The following RNASET2 variants were observed in gnomAD, a reference collection of about 807,000 sequenced individuals.
RNASET2 encodes ribonuclease T2.
RNASET2 carries 28 observed loss-of-function variants against 33.9 expected under a neutral mutation model. The observed-to-expected ratio is 0.83, with a 90% confidence interval of 0.61 to 1.13. The LOEUF (loss-of-function observed/expected upper bound fraction) is 1.13, where lower values mean the gene tolerates loss of function less well. Among genes scored for constraint, RNASET2 ranks in the 50% most tolerant of loss-of-function variants. The pLI, the probability that RNASET2 is intolerant of heterozygous loss-of-function variation, is 0.00. For missense variants in RNASET2, 330 were observed against 319.9 expected, an observed-to-expected ratio of 1.03 and a Z score of -0.24; for synonymous variants, 123 against 121.0, an observed-to-expected ratio of 1.02 and a Z score of -0.11.
intron 7 of RNASET2, chr6:166,932,252 T>A (rs1453970999): frequency 6.6e-6 from 1 of 152,548 alleles, no homozygotes; most frequent in East Asian, 1.9e-4. Flanking sequence ...TGTGACCTAC[T>A]CGGAGGGTCT....
intron 1 of RNASET2, among the ~76,000 whole-genome samples, chr6:166,955,281 GACACAC>G (rs1262913545): frequency 1.4e-5 from 1 of 70,774 alleles, no homozygotes; most frequent in Non-Finnish European, 2.5e-5. Flanking sequence ...GCGCACACAC[GACACAC>G]ACGCACAGAC....
rs149426644 is a variant in RNASET2 at position 166,943,031 on chromosome 6, C to T, written c.320G>A (p.Arg107His). 235 of 1,613,428 alleles carry T rather than the reference C, an allele frequency of 1.5e-4. 1 individual carries two copies. The highest frequency in any genetic ancestry group is 7.1e-4 in the African/African-American group (53 of 75,010). ...WPDVIHSFPN[R>H]SRFWKHEWEK... The stretch of plus-strand genomic sequence containing the variant: ...GGCTGGGACTTACCAGAAGCGGCTG[C>T]GATTGGGAAACGAGTGAATTACGTC... The change falls in exon 5 of 9, where the codon CGC becomes CAC. Residue 107 changes from arginine to histidine, a missense_variant. Transcript: ENST00000508775.
At chr6:166,942,181 T>G (rs1371550370) in intron 5 of RNASET2, among the ~76,000 whole-genome samples, 3 of 151,206 alleles carry the variant, frequency 2.0e-5, no homozygotes, top group Non-Finnish European at 4.4e-5. Flanking sequence ...GCCTCCCAAG[T>G]AGCTGGGATT....
chr6:166,955,634 G>T, intron 1 of RNASET2: 4 of 998,622 alleles, frequency 4.0e-6, no homozygotes, highest in Non-Finnish European at 4.8e-6. Flanking sequence ...CAGTCTGTGG[G>T]ATGAGTTTCC....
rs1779169606 is a variant in RNASET2 at position 166,956,476 on chromosome 6, C to T, written c.-294G>A. 4 of 461,882 alleles carry T rather than the reference C, an allele frequency of 8.7e-6. No individual in the cohort carries two copies. Among genetic ancestry groups the T allele is most frequent in the Non-Finnish European group, 1.6e-5 (4 of 256,516 alleles). The allele number at this position is 461,882 out of a possible 1,614,324, so 28.6% of individuals were successfully genotyped here. A position where few individuals can be genotyped will look rare whatever the true frequency, so the allele number is the denominator to read the frequency against. The stretch of plus-strand genomic sequence containing the variant: ...AGCGCGCACGTCCCGGGCTCTGCTT[C>T]GCGACCCACAGCGACCCCAGCTCCT... On this transcript the variant is annotated 5_prime_UTR_variant, in exon 1 of 9. Coordinates refer to ENST00000508775, the MANE Select transcript of RNASET2 (RefSeq NM_003730.6).
At chr6:166,934,276 TGTCAACATGGACTGCAAATACATG>T in intron 6 of RNASET2, 140 bp from the exon 7 acceptor site, 1 of 687,574 alleles carries the variant, frequency 1.5e-6, no homozygotes. Context: ...GCAACAAATG[TGTCAACATGGACTGCAAATACATG>T]GTTCCCAGTC....
Position 166,938,926 on chromosome 6 carries a change from G to A in RNASET2, c.415C>T (p.Leu139=), listed in dbSNP as rs1426418231. The change falls in exon 6 of 9, where the codon CTG becomes TTG. Residue 139 remains leucine, a synonymous_variant. Transcript: ENST00000508775. ...NSQKKYFGRS[L]ELYRELDLNS... The stretch of plus-strand genomic sequence containing the variant: ...AGGTCCAGCTCCCTGTAGAGTTCCA[G>A]GCTTCTGCCAAAGTACTTCTTCTGG... The A allele has an allele frequency of 4.3e-6, 7 of 1,613,922 alleles. No homozygotes were observed. In the East Asian group the frequency reaches 1.3e-4, roughly 31 times the overall value.
intron 2 of RNASET2, among the ~76,000 whole-genome samples, chr6:166,952,209 C>A (rs1779000007): frequency 6.6e-6 from 1 of 152,212 alleles, no homozygotes; most frequent in East Asian, 1.9e-4. Flanking sequence ...AGGAACCAAC[C>A]CTTCTGACCC....
intron 6 of RNASET2, among the ~76,000 whole-genome samples, chr6:166,936,590 T>C (rs578162213): frequency 3.3e-5 from 5 of 152,082 alleles, no homozygotes; most frequent in African/African-American, 1.2e-4. Context: ...AAGCCAGGGG[T>C]TGGGGGCGGT....
rs1449351659 is a variant in RNASET2, at chr6:166,942,055, C to CTTTTTTT, written c.332+963_332+964insAAAAAAA. On this transcript the variant is annotated intron_variant, in intron 5 of 8. Transcript: ENST00000508775. The stretch of plus-strand genomic sequence containing the variant: ...ATGAGATCATCATTTTAGAAGACAT[C>CTTTTTTT]TTCTTTTTTTTTTTTGAGATGGAAT... Among the ~76,000 whole-genome samples the CTTTTTTT allele has an allele frequency of 2.4e-4, 8 of 33,442 alleles. 1 individual carries two copies. The highest frequency in any genetic ancestry group is 1.1e-3 in the African/African-American group (7 of 6,096). 21.9% of individuals were successfully genotyped at this position (33,442 alleles called of 152,430 possible). A position where few individuals can be genotyped will look rare whatever the true frequency, so the allele number is the denominator to read the frequency against.
intron 4 of RNASET2, among the ~76,000 whole-genome samples, chr6:166,944,442 C>G (rs190862294): frequency 1.3e-5 from 2 of 151,766 alleles, no homozygotes; most frequent in Admixed American, 1.3e-4. Flanking sequence ...CCTGTGTGGG[C>G]GCAGCTCTGT....
intron 7 of RNASET2, chr6:166,932,916 G>A (rs1346234092): frequency 1.3e-5 from 2 of 152,202 alleles, no homozygotes; most frequent in African/African-American, 4.8e-5. Context: ...TTGGGGTTGA[G>A]GGGGAGTCTG....
At chr6:166,935,278 C>G (rs1778539330) in intron 6 of RNASET2, among the ~76,000 whole-genome samples, 1 of 151,896 alleles carries the variant, frequency 6.6e-6, no homozygotes, top group South Asian at 2.1e-4. Flanking sequence ...TTCGATGATC[C>G]TATTTTTGAT....
rs1351866049 is a variant in RNASET2, at chr6:166,956,195, C to A, written c.-13G>T. ...CTGCAGGGCGCATGGTGCCGACCTG[C>A]GGAGAGAACGCTGCCAGCTGCCGCT... On this transcript the variant is annotated 5_prime_UTR_variant, in exon 1 of 9. Coordinates refer to ENST00000508775, the MANE Select transcript of RNASET2 (RefSeq NM_003730.6). 1.3e-6 allele frequency: 2 copies of A among 1,546,790 alleles called. No individual in the cohort carries two copies. The highest frequency in any genetic ancestry group is 2.4e-5 in the East Asian group (1 of 40,832).
At chr6:166,948,374 C>A in intron 3 of RNASET2, 196 bp downstream of exon 3, 1 of 650,980 alleles carries the variant, frequency 1.5e-6, no homozygotes, top group Non-Finnish European at 2.8e-6. Flanking sequence ...TGTTATTGTT[C>A]TATGAAGACA....
In RNASET2 at chr6:166,934,134, A is replaced by T; in HGVS notation, c.449T>A (p.Val150Glu). The change falls in exon 7 of 9, where the codon GTG (valine) becomes GAG (glutamate). Residue 150 changes from valine (V) to glutamate (E), a missense_variant and splice_region_variant. Val to Glu is a moderately radical substitution (Grantham distance 121). Coordinates refer to ENST00000508775, the MANE Select transcript of RNASET2 (RefSeq NM_003730.6). ...TGGTTTTATCCCCAATTTTAGAAGCACACTAAAATTTAAATTTAAAAAAGT... is the reference window on the plus strand; with the variant it reads ...TGGTTTTATCCCCAATTTTAGAAGCTCACTAAAATTTAAATTTAAAAAAGT... ...ELYRELDLNS[V>E]LLKLGIKPSI... 6.3e-7 allele frequency: 1 copy of T among 1,594,932 alleles called. No individual in the cohort carries two copies. The highest frequency in any genetic ancestry group is 8.6e-7 in the Non-Finnish European group (1 of 1,162,926).
chr6:166,953,580 G>A (rs1270390644), intron 1 of RNASET2: 1 of 152,166 alleles, frequency 6.6e-6, no homozygotes, highest in African/African-American at 2.4e-5. Flanking sequence ...AATTATGCAA[G>A]CTCTCAGTAT....
chr6:166,942,030 A>G (rs1778703677), intron 5 of RNASET2, among the ~76,000 whole-genome samples: 1 of 150,066 alleles, frequency 6.7e-6, no homozygotes, highest in Non-Finnish European at 1.5e-5. Context: ...AGTCATAGGC[A>G]TGAGATCATC....
At chr6:166,930,840 C>T (rs1778416142) in intron 8 of RNASET2, among the ~76,000 whole-genome samples, 1 of 148,938 alleles carries the variant, frequency 6.7e-6, no homozygotes, top group Admixed American at 6.7e-5. Flanking sequence ...TGCCCACATG[C>T]ATGTACACAC....
Sources: gnomAD v4.1 joint callset for allele counts (sites outside exome capture counted in the v4.1 genomes callset) on GRCh38, gnomAD v4.1.1 for gene constraint, MANE v1.5 for transcripts, NCBI Gene and HGNC (gene_info 2026-07-23, HGNC 2026-07-21) for gene names.